The following SHANK2 variants were observed in gnomAD, a reference collection of about 807,000 sequenced individuals.
SHANK2 encodes the protein SH3 and multiple ankyrin repeat domains 2, also known as SH3 and multiple ankyrin repeat domains protein 2.
In SHANK2, 43 loss-of-function variants were observed where a neutral mutation model predicts 133.7. That is an observed-to-expected ratio of 0.32 (90% confidence interval 0.25 to 0.41). The LOEUF is 0.41. Ranked by LOEUF, SHANK2 falls within the 10% of genes least tolerant of loss-of-function variation. SHANK2 has a pLI of 1.00. For synonymous variants in SHANK2, 1,017 were observed against 952.8 expected, an observed-to-expected ratio of 1.07 and a Z score of -1.24; for missense variants, 1,994 against 2,235.8, an observed-to-expected ratio of 0.89 and a Z score of 2.18.
chr11:71,124,170 A>ATAG (rs1952132321), intron 3 of SHANK2, among the ~76,000 whole-genome samples: 1 of 119,726 alleles, frequency 8.4e-6, no homozygotes, highest in Non-Finnish European at 1.8e-5. Flanking sequence ...GATAGCGATG[A>ATAG]TGGTGATGGT....
chr11:70,758,552 C>A lies in SHANK2; in HGVS notation c.1777+39891G>T, dbSNP rs575446265. On this transcript the variant is annotated intron_variant, in intron 14 of 25. Coordinates refer to ENST00000601538, the MANE Select transcript of SHANK2 (RefSeq NM_012309.5). ...TAGAGCTGTAACACTGACTGCATGG[C>A]CCAGGATTCCATTCCTTGGAATCTG... 9.3e-5 allele frequency among the ~76,000 whole-genome samples: 14 copies of A among 150,876 alleles called. No homozygotes were observed. In the East Asian group the frequency reaches 2.7e-3, roughly 29 times the overall value.
intron 14 of SHANK2, among the ~76,000 whole-genome samples, chr11:70,753,618 CAG>C (rs1431223860): frequency 2.0e-5 from 3 of 149,240 alleles, no homozygotes; most frequent in East Asian, 3.9e-4. Flanking sequence ...GAAATAAAGA[CAG>C]AAGACACAAA....
At chr11:70,898,863 T>C (rs1048219989) in intron 10 of SHANK2, among the ~76,000 whole-genome samples, 1 of 152,160 alleles carries the variant, frequency 6.6e-6, no homozygotes, top group African/African-American at 2.4e-5. Flanking sequence ...TGATAATGTA[T>C]GGGATTATAA....
chr11:70,660,455 T>A (rs1417441836), intron 16 of SHANK2, among the ~76,000 whole-genome samples: 21 of 152,172 alleles, frequency 1.4e-4, no homozygotes, highest in African/African-American at 5.1e-4. Context: ...TCATGAGTCC[T>A]CTCTACAGGG....
At chr11:70,610,307 A>G (rs557236900) in intron 17 of SHANK2, among the ~76,000 whole-genome samples, 122 of 151,908 alleles carry the variant, frequency 8.0e-4, no homozygotes, top group African/African-American at 2.8e-3. Context: ...ACCTCTTAAT[A>G]CGAGGCGTGC....
intron 17 of SHANK2, among the ~76,000 whole-genome samples, chr11:70,520,665 G>A (rs2059319130): frequency 6.6e-6 from 1 of 152,148 alleles, no homozygotes; most frequent in African/African-American, 2.4e-5. Context: ...CACACCTAAG[G>A]GGTGGGGAGT....
chr11:70,568,110 C>T (rs897426944), intron 17 of SHANK2, among the ~76,000 whole-genome samples: 13 of 152,298 alleles, frequency 8.5e-5, no homozygotes, highest in Admixed American at 8.5e-4. Flanking sequence ...TCCGATCCTG[C>T]CTGCAATGGA....
At chr11:70,664,429 A>G (rs1274605157) in intron 15 of SHANK2, among the ~76,000 whole-genome samples, 2 of 152,178 alleles carry the variant, frequency 1.3e-5, no homozygotes, top group African/African-American at 4.8e-5. Context: ...CCTGCTGTGC[A>G]CCTGCTGTCT....
At chr11:70,844,957 T>G (rs1459907031) in intron 11 of SHANK2, among the ~76,000 whole-genome samples, 1 of 151,598 alleles carries the variant, frequency 6.6e-6, no homozygotes, top group African/African-American at 2.4e-5. Context: ...TCCCAGCACT[T>G]TGGGAGGCTG....
chr11:71,239,927 C>T (rs1488732789), intron 1 of SHANK2, among the ~76,000 whole-genome samples: 2 of 152,206 alleles, frequency 1.3e-5, no homozygotes, highest in Admixed American at 6.5e-5. Context: ...AGGGCGTCTG[C>T]CAGGTGTCTC....
intron 14 of SHANK2, among the ~76,000 whole-genome samples, chr11:70,752,951 T>C (rs1946787073): frequency 6.6e-6 from 1 of 151,176 alleles, no homozygotes; most frequent in African/African-American, 2.4e-5. Flanking sequence ...CTGTCTATAC[T>C]AAAAATATAA....
chr11:71,171,545 A>G (rs1953314344), intron 2 of SHANK2, among the ~76,000 whole-genome samples: 1 of 152,192 alleles, frequency 6.6e-6, no homozygotes, highest in African/African-American at 2.4e-5. Flanking sequence ...GTCCAAAGAC[A>G]AGAGAGGATG....
intron 2 of SHANK2, among the ~76,000 whole-genome samples, chr11:71,181,655 C>T (rs1555113778): frequency 6.6e-6 from 1 of 152,066 alleles, no homozygotes; most frequent in Non-Finnish European, 1.5e-5. Flanking sequence ...AAGGCGCCCG[C>T]TCATGGTGAA....
chr11:70,952,355 A>G (rs1418179426), intron 10 of SHANK2, among the ~76,000 whole-genome samples: 1 of 152,232 alleles, frequency 6.6e-6, no homozygotes, highest in Non-Finnish European at 1.5e-5. Context: ...GTTCATAGAA[A>G]TGGTGTTGGA....
chr11:71,144,421 C>G (rs546039212), intron 3 of SHANK2, among the ~76,000 whole-genome samples: 3 of 152,120 alleles, frequency 2.0e-5, no homozygotes, highest in South Asian at 2.1e-4. Flanking sequence ...CAGAGGACCC[C>G]GTGGAGGATT....
intron 17 of SHANK2, among the ~76,000 whole-genome samples, chr11:70,518,330 ACTCCAGCCTGAG>A (rs1468680155): frequency 6.6e-6 from 1 of 152,176 alleles, no homozygotes; most frequent in African/African-American, 2.4e-5. Context: ...ACACCACTGT[ACTCCAGCCTGAG>A]CAACAGAGAA....
rs148115499 is a variant in SHANK2, at chr11:70,755,355, A to C, written c.1777+43088T>G. 1.7e-4 allele frequency among the ~76,000 whole-genome samples: 26 copies of C among 152,342 alleles called. No individual in the cohort carries two copies. The East Asian group carries it at 5.0e-3, about 29-fold the overall frequency. On this transcript the variant is annotated intron_variant, in intron 14 of 25. Coordinates refer to ENST00000601538, the MANE Select transcript of SHANK2 (RefSeq NM_012309.5). Reference sequence around the variant, plus strand: ...CCAAAGCGCTGGGATTACAGGTGTGAGCCACTGCGCCCAGCGCGCAGGCAG... The same window carrying C: ...CCAAAGCGCTGGGATTACAGGTGTGCGCCACTGCGCCCAGCGCGCAGGCAG...
chr11:70,760,044 C>T (rs371782254), intron 14 of SHANK2, among the ~76,000 whole-genome samples: 4 of 152,344 alleles, frequency 2.6e-5, no homozygotes, highest in East Asian at 1.9e-4. Context: ...AGAGGCTGCT[C>T]ACTGAGCGGC....
At chr11:71,230,471 A>G (rs1565528836) in intron 1 of SHANK2, among the ~76,000 whole-genome samples, 1 of 152,012 alleles carries the variant, frequency 6.6e-6, no homozygotes, top group Non-Finnish European at 1.5e-5. Context: ...CGGGAGGCTG[A>G]GGCAGGAGAA....
Sources: gnomAD v4.1 joint callset for allele counts (sites outside exome capture counted in the v4.1 genomes callset) on GRCh38, gnomAD v4.1.1 for gene constraint, MANE v1.5 for transcripts, NCBI Gene and HGNC (gene_info 2026-07-23, HGNC 2026-07-21) for gene names.